The following DPP4 variants were observed in gnomAD, a reference collection of about 807,000 sequenced individuals.
The protein encoded by DPP4 is dipeptidyl peptidase 4, also known as ADCP-2.
DPP4 carries 93 observed loss-of-function variants against 122.4 expected under a neutral mutation model. The observed-to-expected ratio is 0.76, with a 90% CI of 0.64 to 0.90. The LOEUF (loss-of-function observed/expected upper bound fraction) is 0.90. DPP4 is among the 40% of genes least tolerant of loss of function. The pLI is 0.00. For synonymous variants in DPP4, 321 were observed against 302.9 expected (o/e 1.06, Z -0.62); for missense variants, 914 against 907.3 (o/e 1.01, Z -0.09).
intron 10 of DPP4, among the ~76,000 whole-genome samples, chr2:162,026,589 T>C (rs1006012284): frequency 6.6e-6 from 1 of 152,150 alleles, no homozygotes; most frequent in Non-Finnish European, 1.5e-5. Flanking sequence ...CGATGTCTTC[T>C]TGGAAACCTC....
chr2:161,995,041 G>C lies in DPP4; in HGVS notation c.2126-7C>G. ...TGCTGAAAGTGAACGTTATCTGCAG[G>C]GAGAGAAAGGAAACATAAAGTAGCT... On this transcript the variant is annotated splice_polypyrimidine_tract_variant and splice_region_variant and intron_variant, in intron 24 of 25. Coordinates refer to ENST00000360534, the MANE Select transcript of DPP4 (RefSeq NM_001935.4). The C allele has an allele frequency of 1.2e-6, 2 of 1,613,916 alleles. No individual in the cohort carries two copies. Among genetic ancestry groups the C allele is most frequent in the African/African-American group, 1.3e-5 (1 of 74,978 alleles).
rs927336412 is a variant in DPP4, at chr2:162,019,281, G to A, written c.1245-5C>T. The A allele has an allele frequency of 1.3e-6, 2 of 1,508,156 alleles. No homozygotes were observed. Among genetic ancestry groups the A allele is most frequent in the Admixed American group, 1.9e-5 (1 of 53,136 alleles). The allele number at this position is 1,508,156 out of a possible 1,614,324, so 93.4% of individuals were successfully genotyped here. A position where few individuals can be genotyped will look rare whatever the true frequency, so the allele number is the denominator to read the frequency against. The stretch of plus-strand genomic sequence containing the variant: ...TATTCATTACTAATGTAGTATCTAG[G>A]AAGAGAAAAAAATGAAATATATATT... On this transcript the variant is annotated splice_region_variant and splice_polypyrimidine_tract_variant and intron_variant, in intron 14 of 25. Coordinates refer to ENST00000360534, the MANE Select transcript of DPP4 (RefSeq NM_001935.4).
intron 10 of DPP4, among the ~76,000 whole-genome samples, chr2:162,029,557 G>C (rs912073744): frequency 6.6e-6 from 1 of 152,250 alleles, no homozygotes; most frequent in African/African-American, 2.4e-5. Context: ...CTAATGTGCA[G>C]ATGTCACTAG....
chr2:162,017,225 T>C, intron 16 of DPP4, 70 bp from the exon 17 acceptor site: 1 of 1,316,570 alleles, frequency 7.6e-7, no homozygotes, highest in East Asian at 2.4e-5. Flanking sequence ...AGATGACTTT[T>C]CAAAAATACC....
intron 23 of DPP4, among the ~76,000 whole-genome samples, chr2:161,999,479 T>C (rs1701090592): frequency 1.3e-5 from 2 of 152,296 alleles, no homozygotes; most frequent in African/African-American, 4.8e-5. Context: ...GGTGGTGCAG[T>C]TGGCACTCTC....
At chr2:162,007,521 C>T (rs531285159) in intron 22 of DPP4, among the ~76,000 whole-genome samples, 2 of 152,108 alleles carry the variant, frequency 1.3e-5, no homozygotes, top group Admixed American at 6.5e-5. Flanking sequence ...TTTAAATTTA[C>T]ACGTATATAA....
At chr2:162,072,728 C>A (rs1685160749) in intron 2 of DPP4, among the ~76,000 whole-genome samples, 2 of 152,182 alleles carry the variant, frequency 1.3e-5, no homozygotes, top group Admixed American at 6.5e-5. Context: ...TACATTTAGG[C>A]AAGCTAAAAA....
At chr2:162,062,134 T>C (rs79153953) in intron 2 of DPP4, among the ~76,000 whole-genome samples, 2 of 149,568 alleles carry the variant, frequency 1.3e-5, no homozygotes, top group African/African-American at 5.0e-5. Context: ...AAAAAAAAAT[T>C]AGCTGGGCGT....
rs187436935 is a variant in DPP4 at position 161,994,580 on chromosome 2, C to A, written c.2199+381G>T. ...AGAATAGCTAGTAATACATACCAGACAGAAATGGATTTTCATATTTGAGCT... is the reference window on the plus strand; with the variant it reads ...AGAATAGCTAGTAATACATACCAGAAAGAAATGGATTTTCATATTTGAGCT... On this transcript the variant is annotated intron_variant, in intron 25 of 25. Coordinates refer to ENST00000360534, the MANE Select transcript of DPP4 (RefSeq NM_001935.4). 2.6e-4 allele frequency among the ~76,000 whole-genome samples: 39 copies of A among 152,270 alleles called. No individual in the cohort carries two copies. In the East Asian group the frequency reaches 6.6e-3, roughly 26 times the overall value.
rs141073439 is a variant in DPP4, at chr2:162,027,640, A to G, written c.888-2701T>C. 4.2e-3 allele frequency among the ~76,000 whole-genome samples: 633 copies of G among 152,298 alleles called. 3 individuals are homozygous for G. Among genetic ancestry groups the G allele is most frequent in the African/African-American group, 0.015 (608 of 41,560 alleles). The stretch of plus-strand genomic sequence containing the variant: ...TTTTAAAAGTGCTCTGGTAGAGCGA[A>G]GGGGTATGTGATGGGGGGAACAACT... On this transcript the variant is annotated intron_variant, in intron 10 of 25. Coordinates refer to ENST00000360534, the MANE Select transcript of DPP4 (RefSeq NM_001935.4).
chr2:162,031,458 C>T lies in DPP4; in HGVS notation c.887+2083G>A, dbSNP rs533547927. On this transcript the variant is annotated intron_variant, in intron 10 of 25. Coordinates refer to ENST00000360534, the MANE Select transcript of DPP4 (RefSeq NM_001935.4). ...ATTGATAAGTTCTAAAGCCCCTTTC[C>T]GATGGAATCTTTTTCAGAGCAGGTG... is the stretch of plus-strand genomic sequence containing the variant. Among the ~76,000 whole-genome samples, 4 of 152,298 alleles carry T rather than the reference C, an allele frequency of 2.6e-5. 1 individual carries two copies. Among genetic ancestry groups the T allele is most frequent in the African/African-American group, 9.6e-5 (4 of 41,568 alleles).
intron 5 of DPP4, among the ~76,000 whole-genome samples, chr2:162,044,084 A>C (rs1277694063): frequency 6.6e-6 from 1 of 152,172 alleles, no homozygotes; most frequent in Non-Finnish European, 1.5e-5. Flanking sequence ...CTGTTTACTG[A>C]TCTGGGGATT....
At chr2:162,016,906 T>G in intron 17 of DPP4, 40 bp from the exon 18 acceptor site, 1 of 1,569,840 alleles carries the variant, frequency 6.4e-7, no homozygotes, top group Non-Finnish European at 8.7e-7. Context: ...CATTACAATG[T>G]GAAAAATGTG....
chr2:162,009,425 T>C, intron 20 of DPP4, 130 bp from the exon 21 acceptor site: 1 of 722,154 alleles, frequency 1.4e-6, no homozygotes, highest in Non-Finnish European at 2.4e-6. Context: ...TTGCTGCCAG[T>C]AATCAAATAA....
chr2:162,037,526 T>C (rs189132882), intron 8 of DPP4, among the ~76,000 whole-genome samples: 1 of 152,300 alleles, frequency 6.6e-6, no homozygotes, highest in Admixed American at 6.5e-5. Context: ...AAAAATTATT[T>C]TTTTAAACTA....
chr2:162,049,642 AT>A (rs1684315492), intron 2 of DPP4, among the ~76,000 whole-genome samples: 1 of 152,202 alleles, frequency 6.6e-6, no homozygotes, highest in African/African-American at 2.4e-5. Context: ...GGAACTTAAA[AT>A]AAAAGTTGAA....
chr2:162,011,678 A>G (rs1385114011), intron 20 of DPP4, 115 bp downstream of exon 20: 1 of 1,037,520 alleles, frequency 9.6e-7, no homozygotes, highest in East Asian at 2.5e-5. Flanking sequence ...AGGATAAAAG[A>G]TTACAAATTC....
intron 8 of DPP4, among the ~76,000 whole-genome samples, chr2:162,035,622 C>A (rs930786070): frequency 2.0e-5 from 3 of 152,046 alleles, no homozygotes; most frequent in African/African-American, 7.3e-5. Flanking sequence ...TAAATTTATG[C>A]CTCAAAACAT....
At chr2:162,015,241 A>G (rs982709431) in intron 18 of DPP4, among the ~76,000 whole-genome samples, 1 of 152,132 alleles carries the variant, frequency 6.6e-6, no homozygotes, top group African/African-American at 2.4e-5. Flanking sequence ...TTATCTCTAG[A>G]GCTATTTTTA....
Sources: gnomAD v4.1 joint callset for allele counts (sites outside exome capture counted in the v4.1 genomes callset) on GRCh38, gnomAD v4.1.1 for gene constraint, MANE v1.5 for transcripts, NCBI Gene and HGNC (gene_info 2026-07-23, HGNC 2026-07-21) for gene names.